Variants in SOX6 observed in about 807,000 individuals in gnomAD.
SOX6 encodes the protein SRY-box transcription factor 6.
A neutral mutation model predicts 97.8 loss-of-function variants in SOX6; 11 were observed. The ratio of observed to expected loss-of-function variants is 0.11; its 90% CI spans 0.07 to 0.19. The LOEUF is 0.19. Ranked by LOEUF, SOX6 falls within the 10% of genes least tolerant of loss-of-function variation. SOX6 has a pLI of 1.00. For missense variants in SOX6, 810 were observed against 1,039.5 expected, an observed-to-expected ratio of 0.78 and a Z score of 3.04; for synonymous variants, 360 against 371.4, an observed-to-expected ratio of 0.97 and a Z score of 0.35.
chr11:16,712,268 G>A (rs1322102037), intron 3 of SOX6, among the ~76,000 whole-genome samples: 2 of 152,178 alleles, frequency 1.3e-5, no homozygotes, highest in Admixed American at 6.5e-5. Flanking sequence ...ATACCCAGTA[G>A]TGGGATTGCT....
At chr11:16,076,893 A>G (rs1848368125) in intron 9 of SOX6, among the ~76,000 whole-genome samples, 2 of 151,298 alleles carry the variant, frequency 1.3e-5, no homozygotes, top group Non-Finnish European at 2.9e-5. Flanking sequence ...AGCTGGGACT[A>G]CAGGCGCCCG....
chr11:16,295,577 C>T (rs1855054203), intron 3 of SOX6, among the ~76,000 whole-genome samples: 1 of 151,980 alleles, frequency 6.6e-6, no homozygotes, highest in African/African-American at 2.4e-5. Flanking sequence ...GACTAATGTC[C>T]CAAAACAGAA....
chr11:16,721,319 T>C (rs1391428944), intron 2 of SOX6, among the ~76,000 whole-genome samples: 1 of 152,166 alleles, frequency 6.6e-6, no homozygotes, highest in Non-Finnish European at 1.5e-5. Context: ...TTGCACTCTT[T>C]GCTGATGGCT....
At chr11:16,331,463 C>T (rs1280652559) in intron 2 of SOX6, among the ~76,000 whole-genome samples, 1 of 152,174 alleles carries the variant, frequency 6.6e-6, no homozygotes, top group African/African-American at 2.4e-5. Context: ...AAACTCCTCT[C>T]TTCACTAGAT....
At chr11:16,653,221 G>T (rs1318541574) in intron 3 of SOX6, among the ~76,000 whole-genome samples, 1 of 152,136 alleles carries the variant, frequency 6.6e-6, no homozygotes, top group East Asian at 1.9e-4. Flanking sequence ...ATTCCTTAAA[G>T]AACTAAAAGT....
At chr11:16,306,523 A>G (rs1855437245) in intron 3 of SOX6, among the ~76,000 whole-genome samples, 1 of 151,756 alleles carries the variant, frequency 6.6e-6, no homozygotes, top group South Asian at 2.1e-4. Flanking sequence ...AGCTTGAAGT[A>G]TGTTGGACTA....
At chr11:16,413,788 G>A (rs143077768) in intron 1 of SOX6, among the ~76,000 whole-genome samples, 1,820 of 150,980 alleles carry the variant, frequency 0.012, 35 homozygotes, top group African/African-American at 0.042. Context: ...CCAAAGTGAT[G>A]GGATTACAGG....
chr11:16,110,090 T>C (rs1849192339), intron 7 of SOX6, among the ~76,000 whole-genome samples: 1 of 152,142 alleles, frequency 6.6e-6, no homozygotes, highest in African/African-American at 2.4e-5. Context: ...TAAAACAATA[T>C]CTTCCCCCAT....
intron 1 of SOX6, among the ~76,000 whole-genome samples, chr11:16,364,836 A>G (rs975077381): frequency 4.6e-5 from 7 of 152,104 alleles, no homozygotes; most frequent in Non-Finnish European, 7.4e-5. Context: ...TCAGATAACT[A>G]TAGATATGAA....
intron 4 of SOX6, among the ~76,000 whole-genome samples, chr11:16,499,602 A>T (rs1860666521): frequency 1.3e-5 from 2 of 152,200 alleles, no homozygotes; most frequent in African/African-American, 4.8e-5. Flanking sequence ...AATCAAATAG[A>T]CGCAATAAAA....
chr11:16,196,019 T>G (rs1286788759), intron 4 of SOX6, among the ~76,000 whole-genome samples: 1 of 152,190 alleles, frequency 6.6e-6, no homozygotes, highest in African/African-American at 2.4e-5. Flanking sequence ...TACCACATAC[T>G]GTGCCCATTT....
At chr11:16,119,250 A>G (rs1240134068) in intron 6 of SOX6, among the ~76,000 whole-genome samples, 2 of 152,206 alleles carry the variant, frequency 1.3e-5, no homozygotes, top group African/African-American at 4.8e-5. Context: ...GGAAATCCAC[A>G]GTACATGGAC....
At position 16,628,449 on chromosome 11, in the gene SOX6, C is replaced by A. The variant is rs531067617; in HGVS notation, n.430-16189G>T. 2.0e-3 allele frequency among the ~76,000 whole-genome samples: 298 copies of A among 151,958 alleles called. 1 individual carries two copies. The highest frequency in any genetic ancestry group is 6.6e-3 in the African/African-American group (275 of 41,458). On this transcript the variant is annotated intron_variant and non_coding_transcript_variant, in intron 3 of 5. Transcript: ENST00000524520. ...GACCAGCCTGGCCAATATGGTGAAACCACATCTCTACTAAAAATACAAAAA... is the reference window on the plus strand; with the variant it reads ...GACCAGCCTGGCCAATATGGTGAAAACACATCTCTACTAAAAATACAAAAA...
At chr11:16,430,936 G>GCCAAAT (rs961604766) in intron 1 of SOX6, among the ~76,000 whole-genome samples, 1 of 152,140 alleles carries the variant, frequency 6.6e-6, no homozygotes, top group African/African-American at 2.4e-5. Flanking sequence ...AAAAGCCAAA[G>GCCAAAT]CCTTTACAAT....
At chr11:16,259,213 T>C (rs1375214085) in intron 3 of SOX6, among the ~76,000 whole-genome samples, 5 of 151,812 alleles carry the variant, frequency 3.3e-5, no homozygotes, top group Non-Finnish European at 7.4e-5. Context: ...AAACAATAAA[T>C]CTACAAAATA....
intron 6 of SOX6, among the ~76,000 whole-genome samples, chr11:16,165,377 G>A (rs535642947): frequency 6.6e-6 from 1 of 152,144 alleles, no homozygotes; most frequent in East Asian, 1.9e-4. Flanking sequence ...TAAGAACTAA[G>A]GGACTTAAAT....
rs115823943 is a variant in SOX6, at chr11:16,419,263, T to C, written c.-5+57052A>G. Among the ~76,000 whole-genome samples, 1,114 of 152,314 alleles carry C rather than the reference T, an allele frequency of 7.3e-3. 16 individuals carry two copies. Among genetic ancestry groups the C allele is most frequent in the African/African-American group, 0.024 (997 of 41,566 alleles). ...TGTGTGCTCACTACACCACACATTA[T>C]GGTTTTGTAGCTTCTTTGCCCTAAA... On this transcript the variant is annotated intron_variant, in intron 1 of 15. Transcript: ENST00000396356.
chr11:16,523,570 G>A (rs920041922), intron 4 of SOX6, among the ~76,000 whole-genome samples: 1 of 151,948 alleles, frequency 6.6e-6, no homozygotes, highest in African/African-American at 2.4e-5. Flanking sequence ...ACAATTAAAA[G>A]AACTAGAAAA....
At chr11:16,541,240 A>G (rs1861403245) in intron 4 of SOX6, among the ~76,000 whole-genome samples, 1 of 152,236 alleles carries the variant, frequency 6.6e-6, no homozygotes, top group South Asian at 2.1e-4. Context: ...CCTATTTAAT[A>G]AATGATGCTG....
Sources: gnomAD v4.1 joint callset for allele counts (sites outside exome capture counted in the v4.1 genomes callset) on GRCh38, gnomAD v4.1.1 for gene constraint, MANE v1.5 for transcripts, NCBI Gene and HGNC (gene_info 2026-07-23, HGNC 2026-07-21) for gene names.